Variants in GATAD2A observed in about 807,000 individuals in gnomAD.
The protein encoded by GATAD2A is transcriptional repressor p66-alpha.
GATAD2A carries 12 observed loss-of-function variants against 68.5 expected under a neutral mutation model. The observed-to-expected ratio is 0.18, with a 90% CI of 0.11 to 0.28. GATAD2A has a LOEUF of 0.28. Among genes scored for constraint, GATAD2A ranks in the 10% least tolerant of loss-of-function variants. GATAD2A has a pLI of 1.00. For missense variants in GATAD2A, 755 were observed against 868.5 expected (o/e 0.87, Z 1.64); for synonymous variants, 410 against 375.3 (o/e 1.09, Z -1.07).
At chr19:19,412,675 G>T (rs553346227) in intron 1 of GATAD2A, among the ~76,000 whole-genome samples, 2 of 152,086 alleles carry the variant, frequency 1.3e-5, no homozygotes, top group Non-Finnish European at 2.9e-5. Context: ...TGGAAGGGAT[G>T]TGAAAAACCC....
chr19:19,431,676 A>G (rs2053766177), intron 1 of GATAD2A, among the ~76,000 whole-genome samples: 1 of 150,070 alleles, frequency 6.7e-6, no homozygotes, highest in Non-Finnish European at 1.5e-5. Flanking sequence ...CCTGAGCAAC[A>G]GACCAAGACT....
In GATAD2A at chr19:19,409,675, T is replaced by TA. The variant is rs369931458; in HGVS notation, c.-7+3663dup. On this transcript the variant is annotated intron_variant, in intron 1 of 11. Transcript: ENST00000683918. ...TGTATTAAAAATAAGAAGGTTGAGA[T>TA]AAAAAAAGACGGATCTTGAAGTGGT... Among the ~76,000 whole-genome samples the TA allele has an allele frequency of 5.3e-3, 805 of 152,088 alleles. 6 individuals carry two copies. Among genetic ancestry groups the TA allele is most frequent in the South Asian group, 0.041 (195 of 4,806 alleles).
chr19:19,405,203 G>C (rs926899052), upstream of GATAD2A, among the ~76,000 whole-genome samples: 2 of 151,892 alleles, frequency 1.3e-5, no homozygotes, highest in Non-Finnish European at 2.9e-5. Flanking sequence ...CACTGCACTG[G>C]AGAAGTGATC....
chr19:19,429,458 G>A (rs993572165), intron 1 of GATAD2A, among the ~76,000 whole-genome samples: 7 of 152,230 alleles, frequency 4.6e-5, no homozygotes, highest in Middle Eastern at 3.4e-3. Context: ...TGCACGTAGC[G>A]CACTTGCGGC....
chr19:19,415,911 C>T (rs1350266230), intron 1 of GATAD2A, among the ~76,000 whole-genome samples: 1 of 152,002 alleles, frequency 6.6e-6, no homozygotes, highest in East Asian at 1.9e-4. Flanking sequence ...CCACCACGCC[C>T]GGCCGACTTT....
chr19:19,455,768 C>T (rs1454919438), intron 1 of GATAD2A, among the ~76,000 whole-genome samples: 2 of 152,198 alleles, frequency 1.3e-5, no homozygotes, highest in Non-Finnish European at 2.9e-5. Flanking sequence ...GGAGGGACAG[C>T]TGTCCTGTCA....
At position 19,486,094 on chromosome 19, in the gene GATAD2A, G is replaced by A. The variant is rs2059408400; in HGVS notation, c.270-6212G>A. Among the ~76,000 whole-genome samples the A allele has an allele frequency of 3.3e-5, 5 of 152,204 alleles. No individual in the cohort carries two copies. The South Asian group carries it at 1.0e-3, about 32-fold the overall frequency. On this transcript the variant is annotated intron_variant, in intron 2 of 11. Coordinates refer to ENST00000683918, the MANE Select transcript of GATAD2A (RefSeq NM_001384528.1). ...AAGAGGAGGAAGTGGGCGCTCCCCAGCCTTGCCAGGCCCCCAGCAGACCCA... is the reference window on the plus strand; with the variant it reads ...AAGAGGAGGAAGTGGGCGCTCCCCAACCTTGCCAGGCCCCCAGCAGACCCA...
chr19:19,438,248 G>A (rs1262070295), intron 1 of GATAD2A, among the ~76,000 whole-genome samples: 2 of 152,198 alleles, frequency 1.3e-5, no homozygotes, highest in Non-Finnish European at 2.9e-5. Flanking sequence ...CATCATGTTG[G>A]CTCACCTCCT....
At chr19:19,463,173 T>G (rs1487752527) in intron 1 of GATAD2A, among the ~76,000 whole-genome samples, 2 of 151,892 alleles carry the variant, frequency 1.3e-5, no homozygotes, top group African/African-American at 4.8e-5. Context: ...GGCCTGGGAG[T>G]GCACATACCT....
chr19:19,478,148 G>T (rs2058800442), intron 2 of GATAD2A, among the ~76,000 whole-genome samples: 1 of 152,168 alleles, frequency 6.6e-6, no homozygotes, highest in Non-Finnish European at 1.5e-5. Context: ...ACATCAGCAG[G>T]ACAGGACCCA....
chr19:19,448,902 C>T (rs936996446), intron 1 of GATAD2A, among the ~76,000 whole-genome samples: 6 of 152,102 alleles, frequency 3.9e-5, no homozygotes, highest in African/African-American at 1.4e-4. Flanking sequence ...TCTCGTGTTA[C>T]CCGGAAGGGC....
intron 1 of GATAD2A, among the ~76,000 whole-genome samples, chr19:19,388,036 C>G (rs1240109869): frequency 6.6e-6 from 1 of 150,736 alleles, no homozygotes; most frequent in Non-Finnish European, 1.5e-5. Flanking sequence ...ATCCTTGGAG[C>G]ACTCACATCA....
In GATAD2A at chr19:19,489,432, A is replaced by C. The variant is rs2059641443; in HGVS notation, c.270-2874A>C. 2.0e-5 allele frequency among the ~76,000 whole-genome samples: 3 copies of C among 152,240 alleles called. No homozygotes were observed. In the South Asian group the frequency reaches 6.2e-4, roughly 31 times the overall value. The stretch of plus-strand genomic sequence containing the variant: ...AAAGGGTCATGTGACCAAGGAGGGA[A>C]ATGCCTTTGTCACATGACTTTTTGG... On this transcript the variant is annotated intron_variant, in intron 2 of 11. Coordinates refer to ENST00000683918, the MANE Select transcript of GATAD2A (RefSeq NM_001384528.1).
exon 1 of GATAD2A, chr19:19,386,112 C>T (rs1199618750): frequency 6.6e-6 from 1 of 152,244 alleles, no homozygotes; most frequent in East Asian, 1.9e-4. Flanking sequence ...CGTCGGCCGC[C>T]GTCAGCGAGG....
rs944951648 is a variant in GATAD2A at position 19,484,142 on chromosome 19, C to T, written c.270-8164C>T. 5.9e-5 allele frequency among the ~76,000 whole-genome samples: 9 copies of T among 152,202 alleles called. No homozygotes were observed. In the South Asian group the frequency reaches 1.0e-3, roughly 18 times the overall value. ...GGGGCCTGACACACAAGATATTGCCCGGACTGGCCTGGGCAACACAGCGAG... is the reference window on the plus strand; with the variant it reads ...GGGGCCTGACACACAAGATATTGCCTGGACTGGCCTGGGCAACACAGCGAG... On this transcript the variant is annotated intron_variant, in intron 2 of 11. Coordinates refer to ENST00000683918, the MANE Select transcript of GATAD2A (RefSeq NM_001384528.1).
intron 2 of GATAD2A, among the ~76,000 whole-genome samples, chr19:19,468,416 A>G (rs1191916863): frequency 6.8e-6 from 1 of 147,590 alleles, no homozygotes; most frequent in Non-Finnish European, 1.5e-5. Context: ...ATTTGAAGAA[A>G]TAATGGGCAA....
chr19:19,391,265 G>A (rs1275211998), intron 1 of GATAD2A, among the ~76,000 whole-genome samples: 3 of 152,160 alleles, frequency 2.0e-5, no homozygotes, highest in African/African-American at 7.2e-5. Flanking sequence ...CTGCTCCTAT[G>A]TTTGAAGAAA....
At chr19:19,436,862 G>A (rs930980230) in intron 1 of GATAD2A, among the ~76,000 whole-genome samples, 38 of 152,224 alleles carry the variant, frequency 2.5e-4, no homozygotes, top group African/African-American at 8.4e-4. Flanking sequence ...CAGCTGCTCC[G>A]TTTTATAGAT....
intron 1 of GATAD2A, among the ~76,000 whole-genome samples, chr19:19,412,477 A>AG (rs1445079369): frequency 2.0e-5 from 3 of 151,982 alleles, no homozygotes; most frequent in Non-Finnish European, 4.4e-5. Context: ...CTTAAAAAAA[A>AG]AAAAATTAGC....
Sources: gnomAD v4.1 joint callset for allele counts (sites outside exome capture counted in the v4.1 genomes callset) on GRCh38, gnomAD v4.1.1 for gene constraint, MANE v1.5 for transcripts, NCBI Gene and HGNC (gene_info 2026-07-23, HGNC 2026-07-21) for gene names.